The following FNIP1 variants were observed in gnomAD, a reference collection of about 807,000 sequenced individuals.
The protein encoded by FNIP1 is folliculin interacting protein 1.
FNIP1 carries 40 observed loss-of-function variants against 124.5 expected under a neutral mutation model. That is an observed-to-expected ratio of 0.32 (90% confidence interval 0.25 to 0.42). The LOEUF (loss-of-function observed/expected upper bound fraction) is 0.42, where lower values mean the gene tolerates loss of function less well. Ranked by LOEUF, FNIP1 falls within the 10% of genes least tolerant of loss-of-function variation. The pLI, the probability that FNIP1 is intolerant of heterozygous loss-of-function variation, is 1.00. For synonymous variants in FNIP1, 472 were observed against 470.6 expected (o/e 1.00, Z -0.04); for missense variants, 1,176 against 1,403.7 (o/e 0.84, Z 2.59).
At chr5:131,716,802 G>A in intron 5 of FNIP1, 146 bp from the exon 6 acceptor site, 1 of 545,234 alleles carries the variant, frequency 1.8e-6, no homozygotes, top group Non-Finnish European at 3.2e-6. Context: ...TTAAATCAGA[G>A]GTTGGTAAAC....
At chr5:131,745,985 T>C (rs1038458352) in intron 1 of FNIP1, among the ~76,000 whole-genome samples, 8 of 152,184 alleles carry the variant, frequency 5.3e-5, no homozygotes, top group African/African-American at 1.9e-4. Context: ...GCGCAATGAC[T>C]ATGTTCTCTG....
chr5:131,770,987 T>C (rs1050837445), intron 1 of FNIP1, among the ~76,000 whole-genome samples: 2 of 152,190 alleles, frequency 1.3e-5, no homozygotes, highest in Admixed American at 6.6e-5. Flanking sequence ...GTGCACATTG[T>C]GCAGGTTAGT....
intron 11 of FNIP1, among the ~76,000 whole-genome samples, chr5:131,685,884 T>C (rs530181187): frequency 2.0e-5 from 3 of 152,336 alleles, no homozygotes; most frequent in African/African-American, 7.2e-5. Flanking sequence ...ATACTACTTA[T>C]ATTCATAAGA....
chr5:131,795,384 TTCATA>T (rs1178321385), intron 1 of FNIP1, among the ~76,000 whole-genome samples: 1 of 152,236 alleles, frequency 6.6e-6, no homozygotes. Flanking sequence ...AAAATGTTTT[TTCATA>T]TGAGTGACTT....
intron 3 of FNIP1, among the ~76,000 whole-genome samples, chr5:131,727,749 G>A (rs1007768212): frequency 9.2e-5 from 14 of 152,142 alleles, no homozygotes; most frequent in African/African-American, 3.4e-4. Flanking sequence ...TTGCCTGTTT[G>A]TTCATGCTGT....
chr5:131,787,208 C>T (rs1292113251), intron 1 of FNIP1, among the ~76,000 whole-genome samples: 1 of 152,208 alleles, frequency 6.6e-6, no homozygotes, highest in African/African-American at 2.4e-5. Context: ...GTGATATAAA[C>T]AGCACCGAGT....
chr5:131,658,907 C>CAAAAAAAAAAAA (rs70974003), intron 15 of FNIP1, among the ~76,000 whole-genome samples: 19 of 41,156 alleles, frequency 4.6e-4, no homozygotes, highest in African/African-American at 1.5e-3. Flanking sequence ...TGGGTCTAGC[C>CAAAAAAAAAAAA]AAAAAAAAAA....
At chr5:131,649,490 A>AT (rs1395942864) in intron 16 of FNIP1, among the ~76,000 whole-genome samples, 1 of 152,040 alleles carries the variant, frequency 6.6e-6, no homozygotes, top group Non-Finnish European at 1.5e-5. Context: ...GTCCTTTGCC[A>AT]TTTTTTAATT....
chr5:131,684,703 A>G (rs1768211671), intron 11 of FNIP1, among the ~76,000 whole-genome samples: 1 of 152,226 alleles, frequency 6.6e-6, no homozygotes, highest in Non-Finnish European at 1.5e-5. Context: ...ATCTAAAAGC[A>G]AGATCAGTAT....
chr5:131,739,216 T>A (rs1341310114), intron 2 of FNIP1, among the ~76,000 whole-genome samples: 1 of 152,210 alleles, frequency 6.6e-6, no homozygotes, highest in African/African-American at 2.4e-5. Flanking sequence ...TTTGATATAC[T>A]TGGTTTCATC....
intron 6 of FNIP1, among the ~76,000 whole-genome samples, chr5:131,711,773 G>A (rs1392433976): frequency 6.6e-6 from 1 of 152,186 alleles, no homozygotes; most frequent in Non-Finnish European, 1.5e-5. Flanking sequence ...TGAAATTACA[G>A]GCATGAGCCA....
chr5:131,705,807 C>T (rs916909614), intron 9 of FNIP1, among the ~76,000 whole-genome samples: 10 of 151,994 alleles, frequency 6.6e-5, no homozygotes, highest in African/African-American at 1.5e-4. Context: ...ATGTTCAGAG[C>T]GGCATTATTC....
intron 2 of FNIP1, among the ~76,000 whole-genome samples, chr5:131,735,651 CAT>C (rs1207173205): frequency 2.7e-5 from 4 of 149,036 alleles, no homozygotes; most frequent in African/African-American, 4.9e-5. Context: ...TATATATGCA[CAT>C]ATATATGTAT....
chr5:131,673,195 G>A (rs181046368), intron 13 of FNIP1, among the ~76,000 whole-genome samples: 21 of 151,584 alleles, frequency 1.4e-4, no homozygotes, highest in East Asian at 1.9e-4. Flanking sequence ...CTATAAGCGC[G>A]TGCCACCATG....
At chr5:131,726,756 G>A (rs2149547389) in intron 3 of FNIP1, among the ~76,000 whole-genome samples, 1 of 152,212 alleles carries the variant, frequency 6.6e-6, no homozygotes, top group East Asian at 1.9e-4. Context: ...TATGATGTTA[G>A]GGTGTCAATT....
At chr5:131,674,925 G>T (rs1419013786) in intron 13 of FNIP1, among the ~76,000 whole-genome samples, 1 of 152,170 alleles carries the variant, frequency 6.6e-6, no homozygotes, top group East Asian at 1.9e-4. Context: ...CTAACACACT[G>T]GCTCAAATAT....
chr5:131,719,783 T>G (rs1769595149), intron 3 of FNIP1, among the ~76,000 whole-genome samples: 2 of 152,350 alleles, frequency 1.3e-5, no homozygotes, highest in South Asian at 4.1e-4. Flanking sequence ...ATATGCAATG[T>G]TTCTCCAGGA....
At chr5:131,767,240 T>C (rs547715929) in intron 1 of FNIP1, among the ~76,000 whole-genome samples, 1 of 151,904 alleles carries the variant, frequency 6.6e-6, no homozygotes, top group East Asian at 1.9e-4. Context: ...AAGACCATCC[T>C]GGCCAACATG....
chr5:131,706,309 A>T (rs1769110471), intron 9 of FNIP1, 102 bp downstream of exon 9: 2 of 1,286,794 alleles, frequency 1.6e-6, no homozygotes, highest in Non-Finnish European at 2.1e-6. Flanking sequence ...TCAGTTTCAA[A>T]CTTAAAATAC....
Sources: gnomAD v4.1 joint callset for allele counts (sites outside exome capture counted in the v4.1 genomes callset) on GRCh38, gnomAD v4.1.1 for gene constraint, MANE v1.5 for transcripts, NCBI Gene and HGNC (gene_info 2026-07-23, HGNC 2026-07-21) for gene names.